The following PHACTR2 variants were observed in gnomAD, a reference collection of about 807,000 sequenced individuals.
The protein encoded by PHACTR2 is chromosome 6 open reading frame 56.
PHACTR2 carries 30 observed loss-of-function variants against 76.0 expected under a neutral mutation model. The observed-to-expected ratio is 0.39, with a 90% CI of 0.30 to 0.54. The LOEUF is 0.54. PHACTR2 is among the 20% of genes least tolerant of loss of function. The pLI is 0.61. For missense variants in PHACTR2, 696 were observed against 781.1 expected (o/e 0.89, Z 1.30); for synonymous variants, 292 against 292.5 (o/e 1.00, Z 0.02).
rs1053343010 is a variant in PHACTR2, at chr6:143,820,983, C to G, written c.1923-2691C>G. Among the ~76,000 whole-genome samples the G allele has an allele frequency of 6.6e-6, 1 of 152,268 alleles. No homozygotes were observed. The highest frequency in any genetic ancestry group is 2.4e-5 in the African/African-American group (1 of 41,474). ...GCTGTCAAGGCTTTCAGCTTGCACCCTCTGAAGCAGAAGCCTGAGCTGTAT... is the reference window on the plus strand; with the variant it reads ...GCTGTCAAGGCTTTCAGCTTGCACCGTCTGAAGCAGAAGCCTGAGCTGTAT... On this transcript the variant is annotated intron_variant, in intron 12 of 12. Coordinates refer to ENST00000440869, the MANE Select transcript of PHACTR2 (RefSeq NM_001100164.2). This position sits in a 1 kb window ranked among gnomAD's most constrained non-coding sequence, Gnocchi z 4.2.
rs1181989350 is a variant in PHACTR2, at chr6:143,550,046, A to G, written c.217+12839A>G. Among the ~76,000 whole-genome samples, 6 of 152,088 alleles carry G rather than the reference A, an allele frequency of 3.9e-5. 1 individual carries two copies. The highest frequency in any genetic ancestry group is 1.4e-4 in the African/African-American group (6 of 41,510). On this transcript the variant is annotated intron_variant, in intron 1 of 11. Transcript: ENST00000367584. The surrounding 1 kb of genome is among the most constrained non-coding windows in gnomAD (Gnocchi z 4.8). Reference sequence around the variant, plus strand: ...AGGTGGGAGTTGGAGTGATATCCCAATGCATCAGTGGACTACTCAAATCAA... The same window carrying G: ...AGGTGGGAGTTGGAGTGATATCCCAGTGCATCAGTGGACTACTCAAATCAA...
chr6:143,722,741 T>C lies in PHACTR2; in HGVS notation c.214+10558T>C, dbSNP rs540841206. On this transcript the variant is annotated intron_variant, in intron 2 of 12. Coordinates refer to ENST00000440869, the MANE Select transcript of PHACTR2 (RefSeq NM_001100164.2). The surrounding 1 kb of genome is among the most constrained non-coding windows in gnomAD (Gnocchi z 4.1). Reference sequence around the variant, plus strand: ...TATCTAACTGTACATTTGTACCCCTTAACCATCCCTCCTCCCCACTACCCT... The same window carrying C: ...TATCTAACTGTACATTTGTACCCCTCAACCATCCCTCCTCCCCACTACCCT... 1.2e-4 allele frequency among the ~76,000 whole-genome samples: 19 copies of C among 152,160 alleles called. No homozygotes were observed. Among genetic ancestry groups the C allele is most frequent in the Non-Finnish European group, 2.5e-4 (17 of 68,030 alleles).
At chr6:143,786,979 C>G (rs1775571217) in intron 10 of PHACTR2, among the ~76,000 whole-genome samples, 1 of 152,180 alleles carries the variant, frequency 6.6e-6, no homozygotes. Context: ...GACTCAATTT[C>G]TAGGGATGAC....
intron 6 of PHACTR2, among the ~76,000 whole-genome samples, chr6:143,766,927 T>C (rs1779576312): frequency 6.6e-6 from 1 of 152,182 alleles, no homozygotes; most frequent in Non-Finnish European, 1.5e-5. Flanking sequence ...ATCCTGGCTT[T>C]TTGCTCCTGA....
At chr6:143,792,951 G>C (rs964744563) in intron 11 of PHACTR2, among the ~76,000 whole-genome samples, 2 of 152,184 alleles carry the variant, frequency 1.3e-5, no homozygotes, top group East Asian at 1.9e-4. Flanking sequence ...CAAGGAAAGG[G>C]GAATTAATTA....
chr6:143,579,619 G>A (rs1775550720), intron 1 of PHACTR2, among the ~76,000 whole-genome samples: 1 of 152,070 alleles, frequency 6.6e-6, no homozygotes, highest in African/African-American at 2.4e-5. Context: ...TTCTTTGGGG[G>A]TCACTCAGTG....
rs903626594 is a variant in PHACTR2 at position 143,809,247 on chromosome 6, T to G, written c.1922+2114T>G. On this transcript the variant is annotated intron_variant, in intron 12 of 12. Coordinates refer to ENST00000440869, the MANE Select transcript of PHACTR2 (RefSeq NM_001100164.2). This position sits in a 1 kb window ranked among gnomAD's most constrained non-coding sequence, Gnocchi z 4.2. ...GTTCTCATTTTATGAAAAATAAATA[T>G]TTATACTAAAAGAGGTTCTTTCTGT... Among the ~76,000 whole-genome samples the G allele has an allele frequency of 6.6e-6, 1 of 152,214 alleles. No individual in the cohort carries two copies. The highest frequency in any genetic ancestry group is 2.4e-5 in the African/African-American group (1 of 41,448).
intron 6 of PHACTR2, among the ~76,000 whole-genome samples, chr6:143,771,016 A>T (rs1442712856): frequency 1.4e-5 from 2 of 142,928 alleles, no homozygotes; most frequent in Non-Finnish European, 3.0e-5. Flanking sequence ...TAACTTGCAC[A>T]TTGTCTGTTA....
Position 143,551,824 on chromosome 6 carries a change from T to C in PHACTR2, c.217+14617T>C, listed in dbSNP as rs190458748. 2.4e-3 allele frequency among the ~76,000 whole-genome samples: 364 copies of C among 152,270 alleles called. 2 individuals are homozygous for C. Among genetic ancestry groups the C allele is most frequent in the African/African-American group, 8.3e-3 (343 of 41,552 alleles). Reference sequence around the variant, plus strand: ...AAATGCCCTGTAGAAGAGAGAAATGTAATAATGGGGGGAGGCTAAGCTCTA... The same window carrying C: ...AAATGCCCTGTAGAAGAGAGAAATGCAATAATGGGGGGAGGCTAAGCTCTA... On this transcript the variant is annotated intron_variant, in intron 1 of 11. Coordinates refer to the PHACTR2 transcript ENST00000367584.
Position 143,738,801 on chromosome 6 carries a change from A to G in PHACTR2, c.215-10184A>G, listed in dbSNP as rs1778876101. Reference sequence around the variant, plus strand: ...AAGAAAGAAAATTAAATGAATGGAAATGTCTTCATTTAGGATGCTTTAGTG... The same window carrying G: ...AAGAAAGAAAATTAAATGAATGGAAGTGTCTTCATTTAGGATGCTTTAGTG... On this transcript the variant is annotated intron_variant, in intron 2 of 12. Transcript: ENST00000440869. The surrounding 1 kb of genome is among the most constrained non-coding windows in gnomAD (Gnocchi z 4.0). 6.6e-6 allele frequency among the ~76,000 whole-genome samples: 1 copy of G among 152,086 alleles called. No individual in the cohort carries two copies. Among genetic ancestry groups the G allele is most frequent in the Non-Finnish European group, 1.5e-5 (1 of 67,996 alleles).
At chr6:143,603,655 A>G (rs184599079), upstream of PHACTR2, among the ~76,000 whole-genome samples, 384 of 152,318 alleles carry the variant, frequency 2.5e-3, 2 homozygotes, top group Non-Finnish European at 4.4e-3. Context: ...TGGAAACACT[A>G]TCTGTTGCAA....
intron 2 of PHACTR2, among the ~76,000 whole-genome samples, chr6:143,727,194 T>A (rs1778591767): frequency 2.0e-5 from 3 of 152,206 alleles, no homozygotes. Flanking sequence ...CACCTATGAG[T>A]AAGAACATGT....
chr6:143,820,251 C>T lies in PHACTR2; in HGVS notation c.1923-3423C>T, dbSNP rs1776385692. On this transcript the variant is annotated intron_variant, in intron 12 of 12. Coordinates refer to ENST00000440869, the MANE Select transcript of PHACTR2 (RefSeq NM_001100164.2). This position sits in a 1 kb window ranked among gnomAD's most constrained non-coding sequence, Gnocchi z 4.2. ...GGCTGCTCCCAAATCTCATGTCCTT[C>T]TCACATTTCAAAATGCTTTCCCAAA... 6.6e-6 allele frequency among the ~76,000 whole-genome samples: 1 copy of T among 152,220 alleles called. No homozygotes were observed. The highest frequency in any genetic ancestry group is 1.5e-5 in the Non-Finnish European group (1 of 68,038).
intron 2 of PHACTR2, among the ~76,000 whole-genome samples, chr6:143,719,792 C>A (rs530284858): frequency 6.8e-6 from 1 of 147,140 alleles, no homozygotes; most frequent in East Asian, 2.0e-4. Context: ...CCACAGAGGG[C>A]TTCTTGCTTT....
chr6:143,574,654 T>C (rs1775485435), intron 1 of PHACTR2, among the ~76,000 whole-genome samples: 1 of 151,196 alleles, frequency 6.6e-6, no homozygotes, highest in African/African-American at 2.4e-5. Flanking sequence ...GGAATGTGTT[T>C]AACTTTTCAA....
chr6:143,574,955 T>A (rs1388479693), intron 1 of PHACTR2, among the ~76,000 whole-genome samples: 1 of 152,208 alleles, frequency 6.6e-6, no homozygotes, highest in African/African-American at 2.4e-5. Context: ...TTTGGCCAGA[T>A]TTTCCTTTAT....
intron 1 of PHACTR2, among the ~76,000 whole-genome samples, chr6:143,560,894 TG>T (rs1775261272): frequency 6.7e-6 from 1 of 148,946 alleles, no homozygotes; most frequent in Non-Finnish European, 1.5e-5. Context: ...TGTGTGTGTG[TG>T]TGTGTGTGTG....
chr6:143,790,180 T>C, intron 11 of PHACTR2, among the ~76,000 whole-genome samples: 1 of 152,196 alleles, frequency 6.6e-6, no homozygotes, highest in East Asian at 1.9e-4. Flanking sequence ...GAGGCAGTTG[T>C]TCAACGTATG....
chr6:143,805,949 T>C (rs1327865585), intron 11 of PHACTR2, among the ~76,000 whole-genome samples: 1 of 152,188 alleles, frequency 6.6e-6, no homozygotes, highest in Non-Finnish European at 1.5e-5. Context: ...AATGTATTAT[T>C]TTCCAACCAC....
Sources: allele counts gnomAD v4.1 joint callset (sites outside exome capture counted in the v4.1 genomes callset), GRCh38; gene constraint gnomAD v4.1.1; non-coding constraint Gnocchi (gnomAD v3.1); transcripts MANE v1.5; gene names NCBI Gene and HGNC (gene_info 2026-07-23, HGNC 2026-07-21).